PIK3C3: variants seen among roughly 807,000 people sequenced by gnomAD.
PIK3C3 encodes the protein phosphatidylinositol 3-kinase catalytic subunit type 3.
A neutral mutation model predicts 126.1 loss-of-function variants in PIK3C3; 95 were observed. That is an observed-to-expected ratio of 0.75 (90% CI 0.64 to 0.89). The LOEUF is 0.89. PIK3C3 is among the 40% of genes least tolerant of loss of function. The probability of loss-of-function intolerance (pLI) is 0.00; values close to 1 mark genes in which losing one functional copy is unlikely to be tolerated. For missense variants in PIK3C3, 829 were observed against 1,063.2 expected (o/e 0.78, Z 3.06); for synonymous variants, 374 against 360.0 (o/e 1.04, Z -0.44).
chr18:42,034,044 G>T (rs1376405079), intron 16 of PIK3C3, 87 bp downstream of exon 16: 2 of 837,414 alleles, frequency 2.4e-6, no homozygotes. Flanking sequence ...CTATTACATT[G>T]CAGAGATCAC....
At chr18:42,056,183 A>C (rs181701993) in intron 21 of PIK3C3, among the ~76,000 whole-genome samples, 1 of 152,072 alleles carries the variant, frequency 6.6e-6, no homozygotes, top group Admixed American at 6.6e-5. Flanking sequence ...ATGAAGATGA[A>C]TTTTCTTAAA....
At chr18:42,005,028 A>G (rs959351898) in intron 10 of PIK3C3, among the ~76,000 whole-genome samples, 3 of 152,208 alleles carry the variant, frequency 2.0e-5, no homozygotes, top group African/African-American at 7.2e-5. Flanking sequence ...TGACAATTAT[A>G]TGTATATGTA....
Position 42,083,715 on chromosome 18 carries a change from A to AT in PIK3C3, c.*2580dup, listed in dbSNP as rs879015920. The AT allele has an allele frequency of 2.6e-5, 4 of 152,174 alleles. No homozygotes were observed. Among genetic ancestry groups the AT allele is most frequent in the South Asian group, 2.1e-4 (1 of 4,832 alleles). The allele number at this position is 152,174 out of a possible 1,614,324, so 9.4% of individuals were successfully genotyped here. ...TTATCTCATTATTCTGTGAGATAGA[A>AT]TTGTCTCCTCATTTTTTAGTTGAAA... is the stretch of plus-strand genomic sequence containing the variant. On this transcript the variant is annotated 3_prime_UTR_variant, in exon 25 of 25. Coordinates refer to ENST00000262039, the MANE Select transcript of PIK3C3 (RefSeq NM_002647.4).
At chr18:41,997,421 GA>G (rs748583610) in intron 9 of PIK3C3, among the ~76,000 whole-genome samples, 6 of 152,046 alleles carry the variant, frequency 3.9e-5, no homozygotes, top group Non-Finnish European at 7.4e-5. Flanking sequence ...TCACTAACCT[GA>G]AGTCTTTGGA....
At chr18:41,999,963 G>A (rs934487894) in intron 9 of PIK3C3, among the ~76,000 whole-genome samples, 15 of 152,122 alleles carry the variant, frequency 9.9e-5, no homozygotes, top group East Asian at 1.9e-4. Context: ...AGATTGTGAC[G>A]AGCCTCAAAT....
chr18:42,040,554 C>CTT, intron 18 of PIK3C3, 123 bp from the exon 19 acceptor site: 2 of 664,398 alleles, frequency 3.0e-6, no homozygotes, highest in Non-Finnish European at 2.6e-6. Context: ...GTACACTGAT[C>CTT]TTTTTAAGTT....
Position 41,982,309 on chromosome 18 carries a change from A to T in PIK3C3, c.532-5503A>T, listed in dbSNP as rs373126560. 2.0e-5 allele frequency among the ~76,000 whole-genome samples: 3 copies of T among 152,210 alleles called. No individual in the cohort carries two copies. The East Asian group carries it at 5.8e-4, about 29-fold the overall frequency. On this transcript the variant is annotated intron_variant, in intron 4 of 24. Transcript: ENST00000262039. ...TCTTTTGTATATAGTAGTACCAGAC[A>T]TTATTAAACACCTATTGAAAAATGG... is the stretch of plus-strand genomic sequence containing the variant.
intron 4 of PIK3C3, among the ~76,000 whole-genome samples, chr18:41,972,613 T>A (rs1266455510): frequency 6.6e-6 from 1 of 152,254 alleles, no homozygotes; most frequent in East Asian, 1.9e-4. Flanking sequence ...TGGAGACATC[T>A]GAGCTTGCCG....
chr18:41,974,557 C>A (rs1258173692), intron 4 of PIK3C3, among the ~76,000 whole-genome samples: 1 of 151,060 alleles, frequency 6.6e-6, no homozygotes, highest in Non-Finnish European at 1.5e-5. Flanking sequence ...ACCCCCCCAC[C>A]CCCTGCCCCA....
intron 4 of PIK3C3, among the ~76,000 whole-genome samples, chr18:41,972,832 G>A (rs1980735041): frequency 6.6e-6 from 1 of 152,020 alleles, no homozygotes; most frequent in Non-Finnish European, 1.5e-5. Flanking sequence ...GCAGTTGCTT[G>A]TGGTTTTTGA....
At chr18:41,993,208 C>T in intron 6 of PIK3C3, 62 bp from the exon 7 acceptor site, 1 of 943,698 alleles carries the variant, frequency 1.1e-6, no homozygotes, top group Non-Finnish European at 1.7e-6. Context: ...ATGTGTACAT[C>T]ATATACTGCT....
At chr18:41,956,965 G>A (rs1254216610) in intron 1 of PIK3C3, among the ~76,000 whole-genome samples, 2 of 152,138 alleles carry the variant, frequency 1.3e-5, no homozygotes, top group Non-Finnish European at 2.9e-5. Flanking sequence ...ATAGTATCCT[G>A]TGCATATCTA....
Position 42,054,176 on chromosome 18 carries a change from A to C in PIK3C3, c.2264-3707A>C, listed in dbSNP as rs1159809008. On this transcript the variant is annotated intron_variant, in intron 21 of 24. Transcript: ENST00000262039. ...TATATATATATATATATATATATAT[A>C]TATATATATATATATAAAGGGGAAT... Among the ~76,000 whole-genome samples the C allele has an allele frequency of 8.5e-4, 54 of 63,536 alleles. 6 individuals are homozygous for C. Among genetic ancestry groups the C allele is most frequent in the East Asian group, 5.4e-3 (12 of 2,216 alleles). 41.7% of individuals were successfully genotyped at this position (63,536 alleles called of 152,430 possible). A position where few individuals can be genotyped will look rare whatever the true frequency, so the allele number is the denominator to read the frequency against.
At chr18:42,011,446 C>T (rs1203074105) in intron 10 of PIK3C3, among the ~76,000 whole-genome samples, 1 of 152,194 alleles carries the variant, frequency 6.6e-6, no homozygotes, top group Non-Finnish European at 1.5e-5. Flanking sequence ...CCTCTTTTAA[C>T]TTCCAACTTT....
In PIK3C3 at chr18:42,087,035, C is replaced by A. The variant is rs138525170; in HGVS notation, c.*5898C>A. 1 of 152,222 alleles carries A rather than the reference C, an allele frequency of 6.6e-6. No individual in the cohort carries two copies. The highest frequency in any genetic ancestry group is 1.9e-4 in the East Asian group (1 of 5,168). The allele number at this position is 152,222 out of a possible 1,614,324, so 9.4% of individuals were successfully genotyped here. On this transcript the variant is annotated 3_prime_UTR_variant, in exon 25 of 25. Coordinates refer to ENST00000262039, the MANE Select transcript of PIK3C3 (RefSeq NM_002647.4). ...AAACTAGGTGCTAAGTACACTTTTT[C>A]CCCCCTTTCCTCTATTTTTAAAAGA...
intron 21 of PIK3C3, 54 bp downstream of exon 21, chr18:42,049,659 C>A: frequency 7.6e-7 from 1 of 1,323,122 alleles, no homozygotes; most frequent in Non-Finnish European, 1.1e-6. Context: ...ATGGTTTTTA[C>A]CCCTGAATCT....
chr18:42,070,073 G>C (rs1263404767), intron 24 of PIK3C3, among the ~76,000 whole-genome samples: 2 of 152,082 alleles, frequency 1.3e-5, no homozygotes, highest in African/African-American at 4.8e-5. Context: ...TGGCACTTAG[G>C]TGTTCTCTGC....
intron 9 of PIK3C3, among the ~76,000 whole-genome samples, chr18:42,001,802 C>T (rs189031119): frequency 6.6e-5 from 10 of 152,210 alleles, no homozygotes; most frequent in East Asian, 5.8e-4. Flanking sequence ...AGTACATACC[C>T]GCACATTTCT....
chr18:41,997,563 GT>G (rs1982087181), intron 9 of PIK3C3, among the ~76,000 whole-genome samples: 1 of 152,084 alleles, frequency 6.6e-6, no homozygotes, highest in African/African-American at 2.4e-5. Flanking sequence ...TTGTCTCCTA[GT>G]TTTTAAAATA....
Sources: gnomAD v4.1 joint callset for allele counts (sites outside exome capture counted in the v4.1 genomes callset) on GRCh38, gnomAD v4.1.1 for gene constraint, MANE v1.5 for transcripts, NCBI Gene and HGNC (gene_info 2026-07-23, HGNC 2026-07-21) for gene names.